ROBO2: variants seen among roughly 807,000 people sequenced by gnomAD.
The protein encoded by ROBO2 is roundabout homolog 2.
In ROBO2, 53 loss-of-function variants were observed where a neutral mutation model predicts 160.8. The observed-to-expected ratio is 0.33, with a 90% CI of 0.26 to 0.41. ROBO2 has a LOEUF of 0.41. Among genes scored for constraint, ROBO2 ranks in the 10% least tolerant of loss-of-function variants. The pLI is 1.00. For missense variants in ROBO2, 1,577 were observed against 1,722.4 expected, an observed-to-expected ratio of 0.92 and a Z score of 1.49; for synonymous variants, 664 against 611.7, an observed-to-expected ratio of 1.09 and a Z score of -1.26.
intron 2 of ROBO2, among the ~76,000 whole-genome samples, chr3:76,058,709 T>G (rs960600779): frequency 6.6e-6 from 1 of 150,384 alleles, no homozygotes; most frequent in Non-Finnish European, 1.5e-5. Context: ...GCAGGTTTGT[T>G]ACATATGTAT....
chr3:76,290,670 C>A lies in ROBO2; in HGVS notation c.109+353068C>A, dbSNP rs952428307. ...TCAGTTGTGGGTCTGTCATAGATTG[C>A]TCTTACTATTTTGAGGTGTGTTCCT... On this transcript the variant is annotated intron_variant, in intron 2 of 26. Coordinates refer to the ROBO2 transcript ENST00000487694. 2.0e-5 allele frequency among the ~76,000 whole-genome samples: 3 copies of A among 152,020 alleles called. No homozygotes were observed. In the East Asian group the frequency reaches 5.8e-4, roughly 29 times the overall value.
chr3:77,394,289 G>A (rs1235108844), intron 2 of ROBO2, among the ~76,000 whole-genome samples: 12 of 152,150 alleles, frequency 7.9e-5, no homozygotes, highest in African/African-American at 2.9e-4. Context: ...TGATTAGTGT[G>A]CAGGTTTTCA....
chr3:77,078,117 A>T (rs2068207544), intron 1 of ROBO2, among the ~76,000 whole-genome samples: 1 of 152,174 alleles, frequency 6.6e-6, no homozygotes, highest in African/African-American at 2.4e-5. Context: ...TCATATGTAT[A>T]CACCTCAATG....
At chr3:77,129,553 T>C (rs916966465) in intron 2 of ROBO2, among the ~76,000 whole-genome samples, 11 of 152,200 alleles carry the variant, frequency 7.2e-5, no homozygotes, top group Admixed American at 5.9e-4. Context: ...GAAGAAGTGA[T>C]AGTCGGTTGG....
chr3:76,359,245 G>A (rs963593125), intron 2 of ROBO2, among the ~76,000 whole-genome samples: 1 of 151,892 alleles, frequency 6.6e-6, no homozygotes, highest in African/African-American at 2.4e-5. Context: ...GTGTGCATGT[G>A]TCTTGGATGC....
intron 2 of ROBO2, among the ~76,000 whole-genome samples, chr3:76,834,461 C>G (rs548017466): frequency 6.6e-6 from 1 of 152,068 alleles, no homozygotes; most frequent in African/African-American, 2.4e-5. Context: ...CAACCTCCTC[C>G]TCCTAGGTTT....
chr3:75,998,075 T>C (rs1051941616), intron 2 of ROBO2, among the ~76,000 whole-genome samples: 3 of 152,218 alleles, frequency 2.0e-5, no homozygotes, highest in Non-Finnish European at 4.4e-5. Flanking sequence ...TTAGATTATA[T>C]TTATCAAGAA....
At chr3:76,763,236 C>A (rs946459057) in intron 2 of ROBO2, among the ~76,000 whole-genome samples, 2 of 151,684 alleles carry the variant, frequency 1.3e-5, no homozygotes, top group Admixed American at 1.3e-4. Flanking sequence ...AAGTTGAAAG[C>A]ATTTGTCTAA....
intron 2 of ROBO2, among the ~76,000 whole-genome samples, chr3:77,131,377 A>G (rs2075838288): frequency 6.6e-6 from 1 of 152,160 alleles, no homozygotes; most frequent in African/African-American, 2.4e-5. Flanking sequence ...ATGTTTCTAG[A>G]TAAGTCTGTT....
At chr3:77,060,166 G>T (rs1425059874) in intron 1 of ROBO2, among the ~76,000 whole-genome samples, 1 of 152,300 alleles carries the variant, frequency 6.6e-6, no homozygotes, top group Middle Eastern at 3.4e-3. Flanking sequence ...TGCAGTTTGA[G>T]TGTCTTTGGT....
intron 2 of ROBO2, among the ~76,000 whole-genome samples, chr3:76,128,334 C>T (rs998405297): frequency 1.3e-5 from 2 of 152,056 alleles, no homozygotes; most frequent in Non-Finnish European, 2.9e-5. Context: ...CCAAGTTTCT[C>T]TTACGAAAAA....
intron 2 of ROBO2, among the ~76,000 whole-genome samples, chr3:76,773,621 A>C (rs2062051911): frequency 6.6e-6 from 1 of 150,762 alleles, no homozygotes; most frequent in Non-Finnish European, 1.5e-5. Flanking sequence ...TGTGAAATAA[A>C]CTTCAATACA....
At chr3:77,372,355 GTTTC>G (rs1219447372) in intron 2 of ROBO2, among the ~76,000 whole-genome samples, 2 of 152,070 alleles carry the variant, frequency 1.3e-5, no homozygotes, top group African/African-American at 4.8e-5. Context: ...TAATCCTTAA[GTTTC>G]TTTCCATTTC....
chr3:77,288,956 A>C (rs2153383027), intron 2 of ROBO2, among the ~76,000 whole-genome samples: 1 of 152,278 alleles, frequency 6.6e-6, no homozygotes, highest in South Asian at 2.1e-4. Flanking sequence ...AGACCTCTAT[A>C]TTGAAGGGCT....
chr3:77,343,446 A>T (rs1204380208), intron 2 of ROBO2, among the ~76,000 whole-genome samples: 1 of 152,190 alleles, frequency 6.6e-6, no homozygotes, highest in East Asian at 1.9e-4. Context: ...ACTCTTAATT[A>T]TCTTAAAAAA....
intron 2 of ROBO2, among the ~76,000 whole-genome samples, chr3:75,951,752 G>T (rs1419165796): frequency 6.6e-6 from 1 of 151,942 alleles, no homozygotes; most frequent in African/African-American, 2.4e-5. Context: ...CTGCTCATGT[G>T]TGGTGGAAAA....
chr3:77,640,516 T>C (rs1167762058), intron 24 of ROBO2, among the ~76,000 whole-genome samples: 1 of 152,138 alleles, frequency 6.6e-6, no homozygotes. Context: ...TCTGGTTACA[T>C]GAGTCTGGAG....
At chr3:77,307,151 C>T (rs2063163784) in intron 2 of ROBO2, among the ~76,000 whole-genome samples, 1 of 152,132 alleles carries the variant, frequency 6.6e-6, no homozygotes, top group African/African-American at 2.4e-5. Flanking sequence ...GATAAGAAAT[C>T]AAGTGCCTCC....
chr3:77,546,367 G>C, exon 7 of ROBO2: 2 of 1,613,266 alleles, frequency 1.2e-6, no homozygotes, highest in South Asian at 1.1e-5. Context: ...TCGGCCAAGA[G>C]ATCAGATTGT....
Sources: gnomAD v4.1 joint callset for allele counts (sites outside exome capture counted in the v4.1 genomes callset) on GRCh38, gnomAD v4.1.1 for gene constraint, MANE v1.5 for transcripts, NCBI Gene and HGNC (gene_info 2026-07-23, HGNC 2026-07-21) for gene names.